Variants in UMODL1 observed in about 807,000 individuals in gnomAD.
UMODL1 encodes the protein uromodulin-like 1.
A neutral mutation model predicts 136.3 loss-of-function variants in UMODL1; 128 were observed. The observed-to-expected ratio is 0.94, with a 90% CI of 0.81 to 1.09. The LOEUF (loss-of-function observed/expected upper bound fraction) is 1.09, where lower values mean the gene tolerates loss of function less well. UMODL1 is among the 50% of genes least tolerant of loss of function. UMODL1 has a pLI of 0.00. For synonymous variants in UMODL1, 721 were observed against 720.0 expected (o/e 1.00, Z -0.02); for missense variants, 1,766 against 1,725.6 (o/e 1.02, Z -0.41).
At chr21:42,094,904 A>T (rs1193854306) in intron 6 of UMODL1, among the ~76,000 whole-genome samples, 1 of 152,020 alleles carries the variant, frequency 6.6e-6, no homozygotes, top group Non-Finnish European at 1.5e-5. Flanking sequence ...AACAAGAGAA[A>T]TGTATCCTCT....
chr21:42,067,125 C>T (rs564756613), upstream of UMODL1, among the ~76,000 whole-genome samples: 48 of 152,192 alleles, frequency 3.2e-4, no homozygotes, highest in South Asian at 7.9e-3. Context: ...AGGCATGTGC[C>T]ACCACACCTG....
chr21:42,138,761 T>G (rs1287045577), intron 22 of UMODL1, among the ~76,000 whole-genome samples: 1 of 152,010 alleles, frequency 6.6e-6, no homozygotes, highest in African/African-American at 2.4e-5. Flanking sequence ...TTTTAGTAGA[T>G]ACAGGGTTTC....
chr21:42,089,574 G>T (rs1051517678), intron 5 of UMODL1, among the ~76,000 whole-genome samples: 9 of 152,354 alleles, frequency 5.9e-5, no homozygotes, highest in African/African-American at 1.9e-4. Flanking sequence ...ACCTGTTATA[G>T]GATGTGGGTT....
chr21:42,078,246 C>T (rs1470697207), intron 2 of UMODL1, among the ~76,000 whole-genome samples: 3 of 56,436 alleles, frequency 5.3e-5, no homozygotes, highest in South Asian at 1.2e-3. Context: ...AGAAACCAGG[C>T]GGGGCCAGCT....
chr21:42,086,874 G>A (rs1173027375), intron 4 of UMODL1, among the ~76,000 whole-genome samples: 1 of 152,272 alleles, frequency 6.6e-6, no homozygotes, highest in East Asian at 1.9e-4. Context: ...GCTGAGGCAG[G>A]AGAATTGCTT....
upstream of UMODL1, chr21:42,071,305 C>T (rs752785707): frequency 1.9e-6 from 3 of 1,561,104 alleles, no homozygotes; most frequent in Non-Finnish European, 2.6e-6. Flanking sequence ...GTACTGCCAC[C>T]ACTGCCGGAC....
chr21:42,066,030 G>A (rs1174790841), intron 1 of UMODL1, among the ~76,000 whole-genome samples: 1 of 152,158 alleles, frequency 6.6e-6, no homozygotes, highest in Non-Finnish European at 1.5e-5. Context: ...TTGTTAGGGC[G>A]ACAGCATTCC....
chr21:42,084,320 G>GT (rs2066400464), intron 3 of UMODL1, 75 bp downstream of exon 3: 3 of 1,488,532 alleles, frequency 2.0e-6, no homozygotes, highest in Admixed American at 4.4e-5. Flanking sequence ...GTGTGAAGGT[G>GT]TGGGGGGGAG....
chr21:42,127,793 C>T lies in UMODL1; in HGVS notation c.3652C>T (p.Arg1218Cys), dbSNP rs749579967. The T allele has an allele frequency of 4.2e-5, 67 of 1,613,902 alleles. No individual in the cohort carries two copies. Among genetic ancestry groups the T allele is most frequent in the Middle Eastern group, 1.6e-4 (1 of 6,084 alleles). Residue 1218 changes from arginine (R) to cysteine (C), a missense_variant, in exon 20 of 23, where the codon CGC becomes TGC. Transcript: ENST00000408910. The part of the protein sequence containing the change: ...DSIVYLHCKL[R>C]VCMESPGATC... ...CATCGTCTACCTGCACTGCAAACTC[C>T]GCGTCTGCATGGAATCCCCCGGAGC...
intron 22 of UMODL1, among the ~76,000 whole-genome samples, chr21:42,141,358 A>G (rs220181): frequency 0.54 from 81,623 of 151,974 alleles, 22,334 homozygotes; most frequent in East Asian, 0.74. Flanking sequence ...TAACTAACAT[A>G]CGCAGTATTC....
At chr21:42,140,636 C>T (rs1395725966) in intron 22 of UMODL1, among the ~76,000 whole-genome samples, 1 of 152,106 alleles carries the variant, frequency 6.6e-6, no homozygotes, top group Non-Finnish European at 1.5e-5. Flanking sequence ...AGCAGCTGTG[C>T]AAGGGGATCC....
chr21:42,097,356 C>T (rs2066570622), intron 6 of UMODL1, among the ~76,000 whole-genome samples: 2 of 152,092 alleles, frequency 1.3e-5, no homozygotes, highest in African/African-American at 2.4e-5. Context: ...AGGGAGCTCA[C>T]CTACACAGGG....
upstream of UMODL1, among the ~76,000 whole-genome samples, chr21:42,067,737 G>A (rs1489593950): frequency 4.6e-5 from 7 of 152,196 alleles, no homozygotes; most frequent in South Asian, 8.3e-4. Flanking sequence ...TTCGCCTTCC[G>A]ATCTGCTCTG....
At position 42,110,756 on chromosome 21, in the gene UMODL1, G is replaced by A. The variant is rs528631322; in HGVS notation, c.1658-124G>A. 131 of 971,128 alleles carry A rather than the reference G, an allele frequency of 1.3e-4. 1 individual carries two copies. Among genetic ancestry groups the A allele is most frequent in the South Asian group, 1.2e-3 (70 of 56,998 alleles). The allele number at this position is 971,128 out of a possible 1,614,324, so 60.2% of individuals were successfully genotyped here. On this transcript the variant is annotated intron_variant, in intron 10 of 22. Transcript: ENST00000408910. ...CTCCTGAACGCTGGCGCCCGCCTGC[G>A]TCCCTGGCCAGGTCCACTCCGGGAT...
rs1428679661 is a variant in UMODL1 at position 42,071,373 on chromosome 21, C to T, written c.57C>T (p.Ser19=). The T allele has an allele frequency of 1.3e-6, 2 of 1,593,810 alleles. No homozygotes were observed. Among genetic ancestry groups the T allele is most frequent in the East Asian group, 2.3e-5 (1 of 42,990 alleles). ...LLALVSAVGP[S]QASGFTEKGL... is the part of the protein sequence containing the mutation. The stretch of plus-strand genomic sequence containing the variant: ...CTCTGGTCAGTGCTGTGGGCCCAAG[C>T]CAGGCCAGCGGCTTCACAGGTGAGG... The change falls in exon 1 of 23, where the codon AGC becomes AGT. Residue 19 remains serine, a synonymous_variant. Transcript: ENST00000408910.
chr21:42,137,801 A>C (rs1284881440), intron 22 of UMODL1, among the ~76,000 whole-genome samples, 160 bp downstream of exon 22: 1 of 146,152 alleles, frequency 6.8e-6, no homozygotes, highest in Admixed American at 6.8e-5. Context: ...CAGGCTGATA[A>C]GAAGGTGGGT....
intron 21 of UMODL1, among the ~76,000 whole-genome samples, chr21:42,131,578 G>A (rs220166): frequency 0.47 from 9,504 of 20,356 alleles, 2,818 homozygotes; most frequent in Middle Eastern, 0.76. Context: ...AAGCTGGGGA[G>A]CAGGAGGAGG....
rs377170083 is a variant in UMODL1, at chr21:42,130,245, T to TGTGTGCGC, written c.3775+449_3775+450insTGTGCGCG. On this transcript the variant is annotated intron_variant, in intron 21 of 22. Transcript: ENST00000408910. ...ACGTGTGTGTGTGTGTGTGTGTGTG[T>TGTGTGCGC]GCGTGCACACGAATGTGCATGCACA... Among the ~76,000 whole-genome samples, 509 of 151,958 alleles carry TGTGTGCGC rather than the reference T, an allele frequency of 3.3e-3. 3 individuals carry two copies. Among genetic ancestry groups the TGTGTGCGC allele is most frequent in the African/African-American group, 0.011 (464 of 41,364 alleles).
chr21:42,119,770 T>C (rs906485076), intron 15 of UMODL1, among the ~76,000 whole-genome samples: 1 of 152,240 alleles, frequency 6.6e-6, no homozygotes, highest in African/African-American at 2.4e-5. Context: ...GAATGGCTTA[T>C]AGTTACATGT....
Sources: gnomAD v4.1 joint callset for allele counts (sites outside exome capture counted in the v4.1 genomes callset) on GRCh38, gnomAD v4.1.1 for gene constraint, MANE v1.5 for transcripts, NCBI Gene and HGNC (gene_info 2026-07-23, HGNC 2026-07-21) for gene names.